Variants in SPPL2A observed in about 807,000 individuals in gnomAD.
SPPL2A encodes signal peptide peptidase like 2A.
In SPPL2A, 51 loss-of-function variants were observed where a neutral mutation model predicts 63.8. That is an observed-to-expected ratio of 0.80 (90% CI 0.64 to 1.01). SPPL2A has a LOEUF of 1.01. Ranked by LOEUF, SPPL2A falls within the 50% of genes least tolerant of loss-of-function variation. The pLI, the probability that SPPL2A is intolerant of heterozygous loss-of-function variation, is 0.00. For missense variants in SPPL2A, 553 were observed against 622.7 expected, an observed-to-expected ratio of 0.89 and a Z score of 1.19; for synonymous variants, 188 against 205.8, an observed-to-expected ratio of 0.91 and a Z score of 0.74.
chr15:50,744,335 A>T (rs2062842669), intron 5 of SPPL2A, among the ~76,000 whole-genome samples: 1 of 152,206 alleles, frequency 6.6e-6, no homozygotes, highest in Admixed American at 6.6e-5. Context: ...AACTCTTAAC[A>T]TTTCCCTCTT....
intron 1 of SPPL2A, among the ~76,000 whole-genome samples, chr15:50,761,903 G>A (rs116646026): frequency 0.026 from 3,909 of 152,046 alleles, 95 homozygotes; most frequent in African/African-American, 0.061. Context: ...CTGCAATCCA[G>A]CCTAGGCTAC....
intron 1 of SPPL2A, among the ~76,000 whole-genome samples, chr15:50,750,686 G>A (rs954096360): frequency 6.6e-6 from 1 of 152,180 alleles, no homozygotes; most frequent in Non-Finnish European, 1.5e-5. Context: ...AATAACTATT[G>A]TACCTGGGGG....
At chr15:50,726,051 A>G (rs1018790531) in intron 11 of SPPL2A, 23 of 1,401,926 alleles carry the variant, frequency 1.6e-5, no homozygotes, top group Non-Finnish European at 1.8e-5. Flanking sequence ...TCCAATGAAC[A>G]TATCTAAAAT....
chr15:50,748,035 C>A, intron 4 of SPPL2A, 78 bp downstream of exon 4: 1 of 619,300 alleles, frequency 1.6e-6, no homozygotes, highest in South Asian at 3.7e-5. Flanking sequence ...ATATAACACT[C>A]AAAATTAAAC....
chr15:50,757,089 C>CTTTCTTTTTTTTTTTTT (rs537107994), intron 1 of SPPL2A, among the ~76,000 whole-genome samples: 1 of 128,374 alleles, frequency 7.8e-6, no homozygotes, highest in African/African-American at 3.1e-5. Context: ...TAAATCCTTT[C>CTTTCTTTTTTTTTTTTT]TTTTTTTTTT....
At chr15:50,761,136 C>A (rs10152686) in intron 1 of SPPL2A, among the ~76,000 whole-genome samples, 61,167 of 151,772 alleles carry the variant, frequency 0.4, 12,874 homozygotes, top group East Asian at 0.58. Flanking sequence ...CAGCCTCCCA[C>A]GTAGCTGGGA....
At chr15:50,711,910 G>A (rs1050598499) in intron 14 of SPPL2A, among the ~76,000 whole-genome samples, 1 of 152,092 alleles carries the variant, frequency 6.6e-6, no homozygotes, top group Non-Finnish European at 1.5e-5. Flanking sequence ...TGCACATAAA[G>A]ACTGTAGAGA....
At chr15:50,750,408 A>C (rs2062896451) in intron 1 of SPPL2A, among the ~76,000 whole-genome samples, 1 of 152,144 alleles carries the variant, frequency 6.6e-6, no homozygotes, top group African/African-American at 2.4e-5. Flanking sequence ...AACAACATGT[A>C]CTCAAAATCC....
intron 10 of SPPL2A, among the ~76,000 whole-genome samples, chr15:50,728,893 A>G (rs1316325081): frequency 6.6e-6 from 1 of 150,554 alleles, no homozygotes; most frequent in African/African-American, 2.5e-5. Flanking sequence ...GGCTCACTGC[A>G]ACCTCCACCT....
chr15:50,741,166 G>C (rs1457907902), intron 5 of SPPL2A, among the ~76,000 whole-genome samples: 1 of 152,036 alleles, frequency 6.6e-6, no homozygotes, highest in African/African-American at 2.4e-5. Context: ...CCTTACTACT[G>C]TCTCCTCCTA....
At chr15:50,724,688 C>G (rs16963872) in intron 12 of SPPL2A, among the ~76,000 whole-genome samples, 14,326 of 152,076 alleles carry the variant, frequency 0.094, 2,286 homozygotes, top group African/African-American at 0.33. Flanking sequence ...ATTCTACAGA[C>G]AGAGCAGTGA....
At position 50,706,764 on chromosome 15, in the gene SPPL2A, C is replaced by CA. The variant is rs2062512741; in HGVS notation, c.*1035dup. 1 of 151,356 alleles carries CA rather than the reference C, an allele frequency of 6.6e-6. No individual in the cohort carries two copies. The highest frequency in any genetic ancestry group is 6.6e-5 in the Admixed American group (1 of 15,180). 9.4% of individuals were successfully genotyped at this position (151,356 alleles called of 1,614,324 possible). ...ACCAAATTGCAAAGATCAGAAATACCAAAGTGAAACTGAATGTTAGTACTG... is the reference window on the plus strand; with the variant it reads ...ACCAAATTGCAAAGATCAGAAATACCAAAAGTGAAACTGAATGTTAGTACTG... On this transcript the variant is annotated 3_prime_UTR_variant, in exon 15 of 15. Coordinates refer to ENST00000261854, the MANE Select transcript of SPPL2A (RefSeq NM_032802.4).
intron 1 of SPPL2A, among the ~76,000 whole-genome samples, chr15:50,757,978 C>T (rs1389921081): frequency 2.1e-5 from 3 of 141,462 alleles, no homozygotes; most frequent in Non-Finnish European, 3.1e-5. Flanking sequence ...AGTGAGACTC[C>T]GTCTCAATTA....
Position 50,736,741 on chromosome 15 carries a change from C to T in SPPL2A, c.734-1G>A. On this transcript the variant is annotated splice_acceptor_variant, in intron 6 of 14. Transcript: ENST00000261854. LOFTEE classifies it high-confidence loss of function. ...CAGAAAATTGCTATCATAACATAAACTGAAAAAAACAAAACACTAAATTAC... is the reference window on the plus strand; with the variant it reads ...CAGAAAATTGCTATCATAACATAAATTGAAAAAAACAAAACACTAAATTAC... The T allele has an allele frequency of 6.5e-7, 1 of 1,530,216 alleles. No individual in the cohort carries two copies. Among genetic ancestry groups the T allele is most frequent in the Non-Finnish European group, 9.0e-7 (1 of 1,106,584 alleles). The allele number at this position is 1,530,216 out of a possible 1,614,324, so 94.8% of individuals were successfully genotyped here. A position where few individuals can be genotyped will look rare whatever the true frequency, so the allele number is the denominator to read the frequency against.
chr15:50,753,202 C>T (rs2062924526), intron 1 of SPPL2A, among the ~76,000 whole-genome samples: 2 of 152,144 alleles, frequency 1.3e-5, no homozygotes, highest in South Asian at 4.2e-4. Flanking sequence ...ATAGTATAAT[C>T]CTATTTTTAT....
At chr15:50,748,970 A>C in intron 2 of SPPL2A, 100 bp from the exon 3 acceptor site, 1 of 645,318 alleles carries the variant, frequency 1.5e-6, no homozygotes, top group South Asian at 2.8e-5. Context: ...TTGGTTTAAG[A>C]CAATATCTTT....
intron 8 of SPPL2A, among the ~76,000 whole-genome samples, chr15:50,733,644 C>T (rs1596385888): frequency 6.6e-6 from 1 of 151,876 alleles, no homozygotes; most frequent in Admixed American, 6.6e-5. Context: ...GCACAGACAA[C>T]GAAAGCAAAA....
intron 1 of SPPL2A, among the ~76,000 whole-genome samples, chr15:50,750,617 G>T (rs3809501): frequency 0.25 from 37,991 of 152,066 alleles, 5,703 homozygotes; most frequent in East Asian, 0.55. Context: ...AAAGAAAAGC[G>T]TTGTCTCATT....
At chr15:50,756,398 A>G (rs986908817) in intron 1 of SPPL2A, among the ~76,000 whole-genome samples, 1 of 150,828 alleles carries the variant, frequency 6.6e-6, no homozygotes, top group African/African-American at 2.4e-5. Flanking sequence ...CTGTTTGAAC[A>G]TTACAAGTGC....
Sources: allele counts gnomAD v4.1 joint callset (sites outside exome capture counted in the v4.1 genomes callset), GRCh38; gene constraint gnomAD v4.1.1; transcripts MANE v1.5; gene names NCBI Gene and HGNC (gene_info 2026-07-23, HGNC 2026-07-21).